NVL: variants seen among roughly 807,000 people sequenced by gnomAD.
The protein encoded by NVL is nuclear VCP like.
NVL carries 84 observed loss-of-function variants against 110.2 expected under a neutral mutation model. The observed-to-expected ratio is 0.76, with a 90% CI of 0.64 to 0.91. The LOEUF (loss-of-function observed/expected upper bound fraction) is 0.91, where lower values mean the gene tolerates loss of function less well. Among genes scored for constraint, NVL ranks in the 40% least tolerant of loss-of-function variants. The pLI, the probability that NVL is intolerant of heterozygous loss-of-function variation, is 0.00. For synonymous variants in NVL, 354 were observed against 361.1 expected (o/e 0.98, Z 0.22); for missense variants, 882 against 1,035.9 (o/e 0.85, Z 2.04).
At chr1:224,305,265 G>T in intron 6 of NVL, 99 bp from the exon 7 acceptor site, 1 of 1,209,616 alleles carries the variant, frequency 8.3e-7, no homozygotes, top group Non-Finnish European at 1.1e-6. Flanking sequence ...ATTCATTCCT[G>T]CCCTAGCACT....
At chr1:224,257,674 T>C (rs1663447107) in intron 18 of NVL, among the ~76,000 whole-genome samples, 1 of 152,076 alleles carries the variant, frequency 6.6e-6, no homozygotes, top group East Asian at 1.9e-4. Flanking sequence ...ACTACAGGCA[T>C]GCACCACCAT....
intron 4 of NVL, among the ~76,000 whole-genome samples, chr1:224,317,475 G>A (rs1670201982): frequency 6.6e-6 from 1 of 152,122 alleles, no homozygotes; most frequent in African/African-American, 2.4e-5. Flanking sequence ...TTGTGAAAGG[G>A]AAATGACACT....
chr1:224,313,286 T>G (rs1258537399), intron 4 of NVL: 1 of 153,706 alleles, frequency 6.5e-6, no homozygotes, highest in Non-Finnish European at 1.4e-5. Flanking sequence ...AAAAAAGTTT[T>G]GCCTTACAAC....
At chr1:224,309,855 C>T (rs576080449) in intron 5 of NVL, among the ~76,000 whole-genome samples, 2 of 152,194 alleles carry the variant, frequency 1.3e-5, no homozygotes, top group South Asian at 2.1e-4. Context: ...ATGGTGAAAC[C>T]ACATCTCTAC....
intron 19 of NVL, among the ~76,000 whole-genome samples, chr1:224,238,562 C>T (rs1230891189): frequency 6.6e-6 from 1 of 152,212 alleles, no homozygotes; most frequent in Non-Finnish European, 1.5e-5. Flanking sequence ...ATGTTATCTA[C>T]CACAGGTTCA....
intron 1 of NVL, among the ~76,000 whole-genome samples, chr1:224,327,596 T>C (rs1671265426): frequency 6.6e-6 from 1 of 152,050 alleles, no homozygotes; most frequent in Non-Finnish European, 1.5e-5. Context: ...AAATATCTCA[T>C]TATGTATATG....
At chr1:224,252,211 A>G (rs1662583132) in intron 18 of NVL, among the ~76,000 whole-genome samples, 1 of 152,010 alleles carries the variant, frequency 6.6e-6, no homozygotes, top group African/African-American at 2.4e-5. Flanking sequence ...GGGAATTCTC[A>G]AAGGACACCT....
At chr1:224,296,705 C>A (rs1029462690) in intron 10 of NVL, 87 bp from the exon 11 acceptor site, 3 of 816,002 alleles carry the variant, frequency 3.7e-6, no homozygotes, top group Non-Finnish European at 3.8e-6. Flanking sequence ...TAAAAAAAAT[C>A]TTCAAGGTCA....
intron 19 of NVL, among the ~76,000 whole-genome samples, chr1:224,247,892 G>C (rs1662038908): frequency 6.6e-6 from 1 of 152,180 alleles, no homozygotes; most frequent in Admixed American, 6.5e-5. Context: ...AGTGGTAAAT[G>C]TCCCTAGACA....
At chr1:224,325,263 G>GAA (rs1166717307) in intron 2 of NVL, among the ~76,000 whole-genome samples, 2 of 134,182 alleles carry the variant, frequency 1.5e-5, no homozygotes, top group African/African-American at 5.5e-5. Flanking sequence ...CTCCGTCTCA[G>GAA]AAAAAAAAAA....
Position 224,294,345 on chromosome 1 carries a change from A to G in NVL, c.1247T>C (p.Leu416Ser). The change falls in exon 12 of 23, where the codon TTA becomes TCA. Residue 416 changes from leucine (L) to serine (S), a missense_variant. Physicochemically the swap from Leu to Ser is moderately radical, Grantham distance 145. Coordinates refer to ENST00000281701, the MANE Select transcript of NVL (RefSeq NM_002533.4). ...TCCCGCACGTCTCAAAGCAGGGTCT[A>G]ACGAGTCTGGTCGATTAGTAGCTCC... ...VIGATNRPDSLDPALRRAGRF... is the reference protein window; with the variant it reads ...VIGATNRPDSSDPALRRAGRF... 6.2e-7 allele frequency: 1 copy of G among 1,614,172 alleles called. No individual in the cohort carries two copies. Among genetic ancestry groups the G allele is most frequent in the Non-Finnish European group, 8.5e-7 (1 of 1,180,022 alleles).
chr1:224,302,090 T>G lies in NVL; in HGVS notation c.961-1427A>C, dbSNP rs569793670. Among the ~76,000 whole-genome samples, 6 of 152,334 alleles carry G rather than the reference T, an allele frequency of 3.9e-5. No homozygotes were observed. In the East Asian group the frequency reaches 1.2e-3, roughly 29 times the overall value. On this transcript the variant is annotated intron_variant, in intron 9 of 22. Transcript: ENST00000281701. ...AAGTCTGGCATGCAGTAGTCAGTCA[T>G]GTAATGGAATTATTAAACAAAAATG...
chr1:224,268,030 T>A lies in NVL; in HGVS notation c.2182+4A>T, dbSNP rs748862546. ...ATCTGTGTTACAATATTTTTATTTC[T>A]TACCTGGCCTGTTAGTGGCTGCCAT... is the stretch of plus-strand genomic sequence containing the variant. On this transcript the variant is annotated splice_donor_region_variant and intron_variant, in intron 18 of 22. Transcript: ENST00000281701. 1 of 1,603,172 alleles carries A rather than the reference T, an allele frequency of 6.2e-7. No individual in the cohort carries two copies. Among genetic ancestry groups the A allele is most frequent in the Non-Finnish European group, 8.5e-7 (1 of 1,170,676 alleles).
intron 11 of NVL, among the ~76,000 whole-genome samples, chr1:224,294,969 T>G (rs141654220): frequency 3.5e-4 from 54 of 152,302 alleles, no homozygotes; most frequent in African/African-American, 1.3e-3. Flanking sequence ...CTGATAAAAT[T>G]AATTCGAGCA....
rs138138775 is a variant in NVL at position 224,275,348 on chromosome 1, T to C, written c.2073A>G (p.Ser691=). ...AGTCCATGATACTTACCTCTCGGTC[T>C]GATCTTCGAGGACATAAAGCATCCA... ...DEVDALCPRR[S]DRETGASVRV... Residue 691 remains serine (S), a synonymous_variant, in exon 17 of 23, where the codon TCA becomes TCG. Transcript: ENST00000281701. 8 of 1,614,076 alleles carry C rather than the reference T, an allele frequency of 5.0e-6. No homozygotes were observed. In the African/African-American group the frequency reaches 9.3e-5, roughly 19 times the overall value.
intron 19 of NVL, among the ~76,000 whole-genome samples, chr1:224,249,236 T>C (rs1038112752): frequency 8.5e-5 from 13 of 152,098 alleles, no homozygotes; most frequent in Admixed American, 2.0e-4. Flanking sequence ...CTCCACTTCT[T>C]GGGCTCAAGG....
chr1:224,305,262 C>CGCGGCG, intron 6 of NVL, 96 bp from the exon 7 acceptor site: 3 of 1,237,004 alleles, frequency 2.4e-6, no homozygotes, highest in Non-Finnish European at 3.3e-6. Context: ...AAAATTCATT[C>CGCGGCG]CTGCCCTAGC....
chr1:224,249,662 G>A (rs922548484), intron 19 of NVL, among the ~76,000 whole-genome samples: 12 of 152,088 alleles, frequency 7.9e-5, no homozygotes, highest in South Asian at 4.1e-4. Context: ...GGAGAATGGC[G>A]TGAACCTGGG....
intron 12 of NVL, among the ~76,000 whole-genome samples, chr1:224,292,122 T>C (rs145969774): frequency 5.5e-4 from 84 of 152,338 alleles, no homozygotes; most frequent in Non-Finnish European, 9.6e-4. Context: ...TTTCCTTTTA[T>C]GTATGCTGAA....
Sources: gnomAD v4.1 joint callset for allele counts (sites outside exome capture counted in the v4.1 genomes callset) on GRCh38, gnomAD v4.1.1 for gene constraint, MANE v1.5 for transcripts, NCBI Gene and HGNC (gene_info 2026-07-23, HGNC 2026-07-21) for gene names.